ZNF292: variants seen among roughly 807,000 people sequenced by gnomAD.
The protein encoded by ZNF292 is zinc finger protein 292.
Under a neutral mutation model 217.9 loss-of-function variants are expected in ZNF292, and 26 were observed. That is an observed-to-expected ratio of 0.12 (90% CI 0.09 to 0.17). ZNF292 has a LOEUF of 0.17. Among genes scored for constraint, ZNF292 ranks in the 10% least tolerant of loss-of-function variants. The probability of loss-of-function intolerance (pLI) is 1.00; values close to 1 mark genes in which losing one functional copy is unlikely to be tolerated. For synonymous variants in ZNF292, 1,257 were observed against 1,124.1 expected, an observed-to-expected ratio of 1.12 and a Z score of -2.37; for missense variants, 2,904 against 3,175.2, an observed-to-expected ratio of 0.91 and a Z score of 2.05.
At chr6:87,198,429 C>G (rs528122910) in intron 1 of ZNF292, among the ~76,000 whole-genome samples, 1 of 152,262 alleles carries the variant, frequency 6.6e-6, no homozygotes, top group South Asian at 2.1e-4. Context: ...TAGTCTTGAT[C>G]TCCTCACCTC....
At chr6:87,193,608 G>A (rs1047292712) in intron 1 of ZNF292, among the ~76,000 whole-genome samples, 6 of 151,712 alleles carry the variant, frequency 4.0e-5, no homozygotes, top group Admixed American at 3.3e-4. Flanking sequence ...AACAACCTGC[G>A]CCCTTCAACT....
At chr6:87,179,380 C>T (rs75414011) in intron 1 of ZNF292, among the ~76,000 whole-genome samples, 1,671 of 151,986 alleles carry the variant, frequency 0.011, 33 homozygotes, top group African/African-American at 0.037. Flanking sequence ...AGGAGGGTCT[C>T]GAACTGCCAA....
intron 5 of ZNF292, among the ~76,000 whole-genome samples, chr6:87,235,736 T>G (rs921267780): frequency 3.9e-5 from 6 of 152,148 alleles, no homozygotes; most frequent in African/African-American, 1.2e-4. Flanking sequence ...TCCAGTGTCA[T>G]ATGGAACTAT....
chr6:87,176,912 T>A (rs1771316778), intron 1 of ZNF292, among the ~76,000 whole-genome samples: 2 of 152,166 alleles, frequency 1.3e-5, no homozygotes, highest in African/African-American at 4.8e-5. Flanking sequence ...TCTAATTAAA[T>A]ATGTCTAAAA....
rs1238075631 is a variant in ZNF292, at chr6:87,233,392, A to C, written c.606A>C (p.Thr202=). The part of the protein sequence containing the change: ...LDMRIKHLIK[T]NQLSQATALA... ...TGAGAATTAAACATCTAATCAAAAC[A>C]AATCAGTTAAGTCAAGCAACTGCTC... is the stretch of plus-strand genomic sequence containing the variant. Residue 202 remains threonine, a synonymous_variant, in exon 5 of 8, where the codon ACA becomes ACC. Transcript: ENST00000369577. 3.1e-6 allele frequency: 5 copies of C among 1,613,562 alleles called. No homozygotes were observed. Among genetic ancestry groups the C allele is most frequent in the African/African-American group, 2.7e-5 (2 of 75,034 alleles).
Position 87,259,651 on chromosome 6 carries a change from C to G in ZNF292, c.6022C>G (p.Gln2008Glu). 1.3e-6 allele frequency: 2 copies of G among 1,587,222 alleles called. No homozygotes were observed. The highest frequency in any genetic ancestry group is 2.3e-5 in the South Asian group (2 of 87,212). ...PASRSTQVKK[Q>E]LAMTEENKKE... ...CTCACGAAGTACACAAGTGAAAAAACAGCTAGCTATGACAGAGGAAAATAA... is the reference window on the plus strand; with the variant it reads ...CTCACGAAGTACACAAGTGAAAAAAGAGCTAGCTATGACAGAGGAAAATAA... The change falls in exon 8 of 8, where the codon CAG (glutamine) becomes GAG (glutamate). Residue 2008 changes from glutamine (Q) to glutamate (E), a missense_variant. Physicochemically the swap from Gln to Glu is conservative, Grantham distance 29 (BLOSUM62 2). This residue lies in a region of ZNF292 where 261 missense variants were observed against 272.8 expected (regional missense o/e 0.96). Transcript: ENST00000369577.
At position 87,261,460 on chromosome 6, in the gene ZNF292, G is replaced by C. The variant is rs780800787; in HGVS notation, c.7831G>C (p.Asp2611His). ...TGCAGTGAAGCAGAAGAAAAATACT[G>C]ACAAAGACCATCCGAATACTGGAAA... ...ESAVKQKKNT[D>H]KDHPNTGNKK... The change falls in exon 8 of 8, where the codon GAC (aspartate) becomes CAC (histidine). Residue 2611 changes from aspartate to histidine, a missense_variant. This residue lies in a region of ZNF292 where 380 missense variants were observed against 355.3 expected (regional missense o/e 1.07). Transcript: ENST00000369577. The C allele has an allele frequency of 6.2e-7, 1 of 1,605,420 alleles. No individual in the cohort carries two copies. The highest frequency in any genetic ancestry group is 8.5e-7 in the Non-Finnish European group (1 of 1,175,416).
Position 87,260,406 on chromosome 6 carries a change from T to C in ZNF292, c.6777T>C (p.Asp2259=), listed in dbSNP as rs767090695. ...KTEEDGVYKC[D]CEGCDRIYAT... ...AAGAAGATGGTGTATACAAATGTGA[T>C]TGTGAAGGCTGTGACCGTATATATG... The change falls in exon 8 of 8, where the codon GAT becomes GAC. Residue 2259 remains aspartate, a synonymous_variant. Coordinates refer to ENST00000369577, the MANE Select transcript of ZNF292 (RefSeq NM_015021.3). 6.2e-7 allele frequency: 1 copy of C among 1,613,566 alleles called. No individual in the cohort carries two copies. The highest frequency in any genetic ancestry group is 8.5e-7 in the Non-Finnish European group (1 of 1,179,666).
At chr6:87,164,055 G>A (rs979517355) in intron 1 of ZNF292, among the ~76,000 whole-genome samples, 1 of 152,174 alleles carries the variant, frequency 6.6e-6, no homozygotes, top group African/African-American at 2.4e-5. Context: ...GCCAAGTATC[G>A]TGTATCAGTT....
chr6:87,167,251 G>A (rs186444891), intron 1 of ZNF292, among the ~76,000 whole-genome samples: 94 of 152,286 alleles, frequency 6.2e-4, no homozygotes, highest in African/African-American at 1.9e-3. Context: ...TCACTTCAGC[G>A]AAAAACTTGC....
intron 1 of ZNF292, among the ~76,000 whole-genome samples, chr6:87,165,843 C>T (rs913400558): frequency 1.3e-5 from 2 of 149,984 alleles, no homozygotes; most frequent in African/African-American, 4.9e-5. Flanking sequence ...ACTGCAACCT[C>T]TGCCTCCAGG....
In ZNF292 at chr6:87,217,098, A is replaced by G. The variant is rs139896220; in HGVS notation, c.402+721A>G. 6.6e-5 allele frequency among the ~76,000 whole-genome samples: 10 copies of G among 152,176 alleles called. No individual in the cohort carries two copies. In the East Asian group the frequency reaches 1.7e-3, roughly 26 times the overall value. On this transcript the variant is annotated intron_variant, in intron 3 of 7. Coordinates refer to ENST00000369577, the MANE Select transcript of ZNF292 (RefSeq NM_015021.3). Reference sequence around the variant, plus strand: ...GCTCCTGCCAGCTAGTTTCAAAGCTATAGTTCTCTTTCTCTCCATTTCTCT... The same window carrying G: ...GCTCCTGCCAGCTAGTTTCAAAGCTGTAGTTCTCTTTCTCTCCATTTCTCT...
Position 87,258,834 on chromosome 6 carries a change from A to G in ZNF292, c.5205A>G (p.Ser1735=), listed in dbSNP as rs1412249729. ...NGDSQMMALN[S]CTTSINSDLQ... is the part of the protein sequence containing the mutation. ...ATTCCCAAATGATGGCTTTGAATTC[A>G]TGCACAACTTCAATAAATTCTGATT... is the stretch of plus-strand genomic sequence containing the variant. Residue 1735 remains serine (S), a synonymous_variant, in exon 8 of 8, where the codon TCA becomes TCG. Coordinates refer to ENST00000369577, the MANE Select transcript of ZNF292 (RefSeq NM_015021.3). 1 of 1,612,320 alleles carries G rather than the reference A, an allele frequency of 6.2e-7. No individual in the cohort carries two copies. The highest frequency in any genetic ancestry group is 1.1e-5 in the South Asian group (1 of 90,904).
At chr6:87,195,279 A>G (rs1303574510) in intron 1 of ZNF292, among the ~76,000 whole-genome samples, 1 of 152,238 alleles carries the variant, frequency 6.6e-6, no homozygotes, top group Non-Finnish European at 1.5e-5. Context: ...GTAAACATTT[A>G]AGGAACAGAA....
At chr6:87,243,730 AT>A in intron 6 of ZNF292, 119 bp downstream of exon 6, 1 of 979,042 alleles carries the variant, frequency 1.0e-6, no homozygotes, top group Non-Finnish European at 1.4e-6. Flanking sequence ...AAAGGCTTAT[AT>A]TTAGATATTA....
At position 87,259,146 on chromosome 6, in the gene ZNF292, A is replaced by G. The variant is rs1335893558; in HGVS notation, c.5517A>G (p.Glu1839=). Residue 1839 remains glutamate, a synonymous_variant, in exon 8 of 8, where the codon GAA becomes GAG. Transcript: ENST00000369577. The part of the protein sequence containing the change: ...EVSHKEDQIQ[E]ILEGLQKLKL... ...CACATAAGGAGGATCAAATACAGGA[A>G]ATTTTAGAAGGCTTACAGAAATTAA... 6.2e-7 allele frequency: 1 copy of G among 1,613,444 alleles called. No individual in the cohort carries two copies. Among genetic ancestry groups the G allele is most frequent in the Non-Finnish European group, 8.5e-7 (1 of 1,179,662 alleles).
chr6:87,231,762 A>AT (rs1393204356), intron 4 of ZNF292, among the ~76,000 whole-genome samples: 1 of 152,172 alleles, frequency 6.6e-6, no homozygotes, highest in African/African-American at 2.4e-5. Flanking sequence ...TTTCTTCACC[A>AT]TGATCTTTTA....
Position 87,259,467 on chromosome 6 carries a change from C to T in ZNF292, c.5838C>T (p.Pro1946=), listed in dbSNP as rs140100853. The T allele has an allele frequency of 9.4e-5, 149 of 1,588,642 alleles. No homozygotes were observed. In the African/African-American group the frequency reaches 1.9e-3, roughly 20 times the overall value. The change falls in exon 8 of 8, where the codon CCC becomes CCT. Residue 1946 remains proline, a synonymous_variant. Transcript: ENST00000369577. ...AGAAGAATCAATTGAAATTTGCTCC[C>T]TTTAAATGTGTAGTACCTACATGTA... The part of the protein sequence containing the change: ...EIKKNQLKFA[P]FKCVVPTCTK...
At chr6:87,235,300 C>T (rs1476057385) in intron 5 of ZNF292, among the ~76,000 whole-genome samples, 2 of 152,022 alleles carry the variant, frequency 1.3e-5, no homozygotes, top group African/African-American at 4.8e-5. Context: ...TTTTTCAGTG[C>T]CACGAAAGCT....
Sources: allele counts gnomAD v4.1 joint callset (sites outside exome capture counted in the v4.1 genomes callset), GRCh38; gene constraint gnomAD v4.1.1; regional missense constraint gnomAD v4.1.1; transcripts MANE v1.5; gene names NCBI Gene and HGNC (gene_info 2026-07-23, HGNC 2026-07-21).